TTC17: variants seen among roughly 807,000 people sequenced by gnomAD.
The protein encoded by TTC17 is tetratricopeptide repeat domain 17.
TTC17 carries 58 observed loss-of-function variants against 143.8 expected under a neutral mutation model. That is an observed-to-expected ratio of 0.40 (90% CI 0.33 to 0.50). The LOEUF is 0.50. Ranked by LOEUF, TTC17 falls within the 20% of genes least tolerant of loss-of-function variation. TTC17 has a pLI of 0.49. For missense variants in TTC17, 1,273 were observed against 1,392.5 expected (o/e 0.91, Z 1.37); for synonymous variants, 501 against 497.8 (o/e 1.01, Z -0.09).
intron 9 of TTC17, among the ~76,000 whole-genome samples, chr11:43,400,942 C>T (rs1221759757): frequency 6.6e-6 from 1 of 152,200 alleles, no homozygotes; most frequent in Admixed American, 6.5e-5. Context: ...GCCTCTTAAC[C>T]TTTGGCACTT....
At chr11:43,389,876 C>G in intron 3 of TTC17, 55 bp downstream of exon 3, 2 of 1,459,312 alleles carry the variant, frequency 1.4e-6, no homozygotes, top group South Asian at 1.4e-5. Flanking sequence ...TTTCCTTTCT[C>G]AAATTAGTAA....
chr11:43,434,215 ACACACACACACACACACT>A (rs1947230786), intron 16 of TTC17, among the ~76,000 whole-genome samples: 1 of 107,652 alleles, frequency 9.3e-6, no homozygotes, highest in Admixed American at 1.0e-4. Context: ...ACACACACAC[ACACACACACACACACACT>A]CTCATGGCCT....
At position 43,405,943 on chromosome 11, in the gene TTC17, G is replaced by T; in HGVS notation, c.1753G>T (p.Ala585Ser). 2 of 1,612,954 alleles carry T rather than the reference G, an allele frequency of 1.2e-6. No homozygotes were observed. The highest frequency in any genetic ancestry group is 1.7e-6 in the Non-Finnish European group (2 of 1,179,664). ...GAAAGCCAAAATGCCAGATGACCATGCACGAAAAGTAAGGCTCACTTAGGC... is the reference window on the plus strand; with the variant it reads ...GAAAGCCAAAATGCCAGATGACCATTCACGAAAAGTAAGGCTCACTTAGGC... ...DLKAKMPDDH[A>S]RKILLSRINN... The change falls in exon 13 of 24, where the codon GCA becomes TCA. Residue 585 changes from alanine (A) to serine (S), a missense_variant. Physicochemically the swap from Ala to Ser is moderately conservative, Grantham distance 99 (BLOSUM62 1). Coordinates refer to ENST00000039989, the MANE Select transcript of TTC17 (RefSeq NM_018259.6).
At chr11:43,446,398 T>A (rs1947542618) in intron 18 of TTC17, 1 of 224,054 alleles carries the variant, frequency 4.5e-6, no homozygotes, top group South Asian at 1.5e-4. Flanking sequence ...ATGTTTACCT[T>A]CCTTACTAGA....
chr11:43,466,592 T>C, intron 21 of TTC17: 1 of 292,944 alleles, frequency 3.4e-6, no homozygotes, highest in South Asian at 4.1e-5. Context: ...TCACACCCCA[T>C]AATGGCATTG....
rs1236558924 is a variant in TTC17, at chr11:43,396,691, T to C, written c.664-18T>C. 2.7e-6 allele frequency: 4 copies of C among 1,480,848 alleles called. No homozygotes were observed. The highest frequency in any genetic ancestry group is 1.3e-5 in the South Asian group (1 of 79,614). The allele number at this position is 1,480,848 out of a possible 1,614,324, so 91.7% of individuals were successfully genotyped here. On this transcript the variant is annotated intron_variant, in intron 5 of 23. Transcript: ENST00000039989. ...CTGTCTTGAGTCGTGTTTGTAATTT[T>C]ACTTTTTTAATCTCTAGAACACTTC...
chr11:43,485,090 T>G (rs1310562894), intron 21 of TTC17, among the ~76,000 whole-genome samples: 1 of 152,010 alleles, frequency 6.6e-6, no homozygotes, highest in Non-Finnish European at 1.5e-5. Context: ...AGTGTAATAA[T>G]AATAGAAATA....
chr11:43,482,996 G>GA (rs1184698645), intron 21 of TTC17, among the ~76,000 whole-genome samples: 1 of 151,938 alleles, frequency 6.6e-6, no homozygotes, highest in Non-Finnish European at 1.5e-5. Context: ...TCAATATCAA[G>GA]AAAAAGGGCA....
chr11:43,363,553 G>A (rs976536944), intron 1 of TTC17, among the ~76,000 whole-genome samples: 3 of 152,150 alleles, frequency 2.0e-5, no homozygotes, highest in East Asian at 1.9e-4. Context: ...TAAATTAAGA[G>A]TATCATCTGT....
chr11:43,396,954 C>T (rs1857616861), intron 6 of TTC17, 136 bp downstream of exon 6: 1 of 447,754 alleles, frequency 2.2e-6, no homozygotes, highest in East Asian at 3.3e-5. Context: ...ATAAGTCCCA[C>T]CACAAAAAAA....
chr11:43,382,111 G>A (rs1374132626), intron 2 of TTC17, among the ~76,000 whole-genome samples: 2 of 152,106 alleles, frequency 1.3e-5, no homozygotes, highest in Non-Finnish European at 2.9e-5. Context: ...ACAACTATAT[G>A]AACATCTTAG....
intron 16 of TTC17, among the ~76,000 whole-genome samples, chr11:43,426,643 A>G (rs146542520): frequency 6.6e-6 from 1 of 152,210 alleles, no homozygotes; most frequent in Non-Finnish European, 1.5e-5. Flanking sequence ...AATGCAAAGG[A>G]CATTTCCTAG....
chr11:43,403,778 C>T (rs1857981905), intron 10 of TTC17, among the ~76,000 whole-genome samples: 1 of 152,192 alleles, frequency 6.6e-6, no homozygotes, highest in African/African-American at 2.4e-5. Context: ...TTTTCTCATA[C>T]TCCAATGGCA....
chr11:43,492,235 T>C lies in TTC17; in HGVS notation c.3294+72T>C, dbSNP rs969297751. 23 of 1,539,878 alleles carry C rather than the reference T, an allele frequency of 1.5e-5. No individual in the cohort carries two copies. In the African/African-American group the frequency reaches 3.1e-4, roughly 21 times the overall value. On this transcript the variant is annotated intron_variant, in intron 23 of 23. Transcript: ENST00000039989. ...GCACATCTTTGATTTCAAAACCTCT[T>C]TGAATATGTCATTGCCCACCAATTT...
At chr11:43,474,048 T>G (rs552828893) in intron 21 of TTC17, among the ~76,000 whole-genome samples, 21 of 152,324 alleles carry the variant, frequency 1.4e-4, no homozygotes, top group African/African-American at 5.1e-4. Flanking sequence ...AAAATACTTT[T>G]GAATGAGGCT....
chr11:43,423,468 AAG>A (rs1486850009), intron 16 of TTC17, among the ~76,000 whole-genome samples: 3 of 152,216 alleles, frequency 2.0e-5, no homozygotes, highest in African/African-American at 7.2e-5. Flanking sequence ...AGAGTCAGGA[AAG>A]AGTGCGTAAA....
At chr11:43,372,537 T>C (rs2134456831) in intron 1 of TTC17, among the ~76,000 whole-genome samples, 1 of 149,752 alleles carries the variant, frequency 6.7e-6, no homozygotes, top group South Asian at 2.1e-4. Flanking sequence ...AGTTTCACTC[T>C]TACTGACCAG....
chr11:43,431,219 A>T (rs997170111), intron 16 of TTC17, among the ~76,000 whole-genome samples: 1 of 152,126 alleles, frequency 6.6e-6, no homozygotes, highest in Non-Finnish European at 1.5e-5. Flanking sequence ...TGTGAATAGT[A>T]CTGCAGTAAA....
At chr11:43,443,698 C>A in intron 17 of TTC17, 114 bp downstream of exon 17, 1 of 1,315,026 alleles carries the variant, frequency 7.6e-7, no homozygotes, top group Non-Finnish European at 1.0e-6. Flanking sequence ...CTATGCACTC[C>A]AGGACAGCCT....
Sources: gnomAD v4.1 joint callset for allele counts (sites outside exome capture counted in the v4.1 genomes callset) on GRCh38, gnomAD v4.1.1 for gene constraint, MANE v1.5 for transcripts, NCBI Gene and HGNC (gene_info 2026-07-23, HGNC 2026-07-21) for gene names.